Variants in CEP135 observed in about 807,000 individuals in gnomAD.
CEP135 encodes centrosomal protein of 135 kDa.
Under a neutral mutation model 157.3 loss-of-function variants are expected in CEP135, and 142 were observed. The ratio of observed to expected loss-of-function variants is 0.90; its 90% confidence interval spans 0.79 to 1.04. The LOEUF is 1.04. Ranked by LOEUF, CEP135 falls within the 50% of genes least tolerant of loss-of-function variation. The pLI is 0.00. For synonymous variants in CEP135, 396 were observed against 439.8 expected, an observed-to-expected ratio of 0.90 and a Z score of 1.25; for missense variants, 1,317 against 1,309.2, an observed-to-expected ratio of 1.01 and a Z score of -0.09.
intron 7 of CEP135, 78 bp from the exon 8 acceptor site, chr4:55,965,566 T>C (rs992507092): frequency 2.2e-6 from 2 of 908,488 alleles, no homozygotes; most frequent in Middle Eastern, 3.3e-4. Context: ...ATATAGTTTT[T>C]TGAAGTATTA....
chr4:55,951,035 T>A (rs1728346788), intron 1 of CEP135, among the ~76,000 whole-genome samples: 1 of 152,236 alleles, frequency 6.6e-6, no homozygotes. Flanking sequence ...AGTATTTGTC[T>A]GGTTTCTTTT....
rs183660760 is a variant in CEP135, at chr4:55,980,156, C to G, written c.1487C>G (p.Ser496Ter). 1 of 1,608,504 alleles carries G rather than the reference C, an allele frequency of 6.2e-7. No homozygotes were observed. Among genetic ancestry groups the G allele is most frequent in the African/African-American group, 1.3e-5 (1 of 74,680 alleles). The change falls in exon 12 of 26, where the codon TCA (serine) becomes TGA (stop). Residue 496 changes from serine to a stop codon, truncating the protein, a stop_gained. Transcript: ENST00000257287. LOFTEE classifies it high-confidence loss of function. ...ATTATGTTTCAGGGTGATTACAATT[C>G]AGAAATTCATCAGATCACAAGAGAA... ...FRTPEKGDYN[S>*]EIHQITRERD...
chr4:55,959,753 A>C lies in CEP135; in HGVS notation c.686A>C (p.Asp229Ala), dbSNP rs137876652. Reference sequence around the variant, plus strand: ...GCAATGATGGAAAGTGGGGTGAGAGACTATAGCAAGCAGGTAGGATTTTTA... The same window carrying C: ...GCAATGATGGAAAGTGGGGTGAGAGCCTATAGCAAGCAGGTAGGATTTTTA... ...KLAMMESGVR[D>A]YSKQIELRER... The change falls in exon 6 of 26, where the codon GAC (aspartate) becomes GCC (alanine). Residue 229 changes from aspartate (D) to alanine (A), a missense_variant. By Grantham distance (126) the Asp-to-Ala change is moderately radical. Coordinates refer to ENST00000257287, the MANE Select transcript of CEP135 (RefSeq NM_025009.5). 1 of 1,613,610 alleles carries C rather than the reference A, an allele frequency of 6.2e-7. No individual in the cohort carries two copies. Among genetic ancestry groups the C allele is most frequent in the Non-Finnish European group, 8.5e-7 (1 of 1,179,502 alleles).
At chr4:56,005,637 A>G (rs946014913) in intron 17 of CEP135, among the ~76,000 whole-genome samples, 2 of 152,258 alleles carry the variant, frequency 1.3e-5, no homozygotes, top group African/African-American at 2.4e-5. Flanking sequence ...GTATACCACA[A>G]CTACAGTATC....
intron 22 of CEP135, among the ~76,000 whole-genome samples, 188 bp from the exon 23 acceptor site, chr4:56,019,165 G>C (rs1369377876): frequency 6.6e-6 from 1 of 152,088 alleles, no homozygotes; most frequent in African/African-American, 2.4e-5. Context: ...AGTAAAAATA[G>C]CAAAGATTAT....
intron 3 of CEP135, 130 bp from the exon 4 acceptor site, chr4:55,954,086 C>A: frequency 1.4e-6 from 1 of 702,984 alleles, no homozygotes; most frequent in Non-Finnish European, 2.3e-6. Flanking sequence ...GAATAAGTGT[C>A]AACTAAAGCA....
chr4:55,983,365 G>A (rs1729474422), intron 13 of CEP135, among the ~76,000 whole-genome samples: 1 of 152,156 alleles, frequency 6.6e-6, no homozygotes, highest in Non-Finnish European at 1.5e-5. Flanking sequence ...GTTTACAACA[G>A]ATCTTTTACT....
At chr4:55,991,288 A>AT (rs1293401517) in intron 14 of CEP135, among the ~76,000 whole-genome samples, 1 of 128,690 alleles carries the variant, frequency 7.8e-6, no homozygotes, top group East Asian at 2.2e-4. Flanking sequence ...GTATACTTGT[A>AT]TTTTTTCCAA....
At chr4:56,007,480 T>C (rs1306674405) in intron 17 of CEP135, among the ~76,000 whole-genome samples, 2 of 152,206 alleles carry the variant, frequency 1.3e-5, no homozygotes. Flanking sequence ...ACTACCACTC[T>C]GATTGGGTGT....
At chr4:55,957,731 T>C (rs1167544245) in intron 5 of CEP135, among the ~76,000 whole-genome samples, 1 of 152,228 alleles carries the variant, frequency 6.6e-6, no homozygotes, top group Non-Finnish European at 1.5e-5. Flanking sequence ...TGAAGAGATG[T>C]GTAACTGGAT....
intron 13 of CEP135, among the ~76,000 whole-genome samples, chr4:55,983,483 G>A (rs1183815594): frequency 1.3e-5 from 2 of 152,130 alleles, no homozygotes; most frequent in African/African-American, 2.4e-5. Flanking sequence ...AGATCTCCCT[G>A]AAAGCTCATA....
intron 10 of CEP135, among the ~76,000 whole-genome samples, chr4:55,972,850 G>A (rs1055250038): frequency 6.6e-6 from 1 of 152,064 alleles, no homozygotes; most frequent in Non-Finnish European, 1.5e-5. Flanking sequence ...TGACCCACAT[G>A]GAGAAACCCC....
intron 14 of CEP135, among the ~76,000 whole-genome samples, chr4:55,986,551 A>G (rs1401296525): frequency 6.6e-6 from 1 of 151,150 alleles, no homozygotes; most frequent in African/African-American, 2.4e-5. Flanking sequence ...CCAAAAAAAG[A>G]AAAAAAAAAT....
At chr4:55,996,999 A>G (rs1729992848) in intron 15 of CEP135, among the ~76,000 whole-genome samples, 1 of 152,196 alleles carries the variant, frequency 6.6e-6, no homozygotes, top group Admixed American at 6.5e-5. Flanking sequence ...CCAGAACTTA[A>G]GTTCATTTTT....
In CEP135 at chr4:56,017,845, T is replaced by G; in HGVS notation, c.3000T>G (p.Leu1000=). ...IMTQQLNSKN[L]EFERVVVELE... ...CCCAGCAATTGAATTCGAAAAACCT[T>G]GAGTTTGAGAGGGTAAGAAAGATAA... Residue 1000 remains leucine (L), a synonymous_variant, in exon 22 of 26, where the codon CTT becomes CTG. Transcript: ENST00000257287. The G allele has an allele frequency of 6.2e-7, 1 of 1,612,336 alleles. No homozygotes were observed. The highest frequency in any genetic ancestry group is 8.5e-7 in the Non-Finnish European group (1 of 1,179,812).
chr4:55,952,027 A>T, intron 1 of CEP135, 59 bp from the exon 2 acceptor site: 1 of 559,526 alleles, frequency 1.8e-6, no homozygotes, highest in Non-Finnish European at 3.2e-6. Context: ...TTTTCTTCTT[A>T]TTGTGAAACA....
intron 13 of CEP135, among the ~76,000 whole-genome samples, chr4:55,984,546 G>C (rs9884589): frequency 1.3e-5 from 2 of 151,928 alleles, no homozygotes; most frequent in African/African-American, 2.4e-5. Flanking sequence ...ATATTCTTGA[G>C]ACCTTGCTTG....
rs1178358837 is a variant in CEP135, at chr4:55,964,701, T to C, written c.828+299T>C. Among the ~76,000 whole-genome samples the C allele has an allele frequency of 5.3e-5, 8 of 152,094 alleles. No homozygotes were observed. In the East Asian group the frequency reaches 1.5e-3, roughly 29 times the overall value. The stretch of plus-strand genomic sequence containing the variant: ...CAATTTGCTTTTAAGAAAATGTATA[T>C]ATGGACTTGGAAAGAGAAAACGAAG... On this transcript the variant is annotated intron_variant, in intron 7 of 25. Coordinates refer to ENST00000257287, the MANE Select transcript of CEP135 (RefSeq NM_025009.5).
At chr4:55,962,424 C>T (rs556782068) in intron 6 of CEP135, among the ~76,000 whole-genome samples, 1 of 152,026 alleles carries the variant, frequency 6.6e-6, no homozygotes, top group Non-Finnish European at 1.5e-5. Flanking sequence ...ACTACCTCCC[C>T]CTCTTGAGGA....
Sources: gnomAD v4.1 joint callset for allele counts (sites outside exome capture counted in the v4.1 genomes callset) on GRCh38, gnomAD v4.1.1 for gene constraint, MANE v1.5 for transcripts, NCBI Gene and HGNC (gene_info 2026-07-23, HGNC 2026-07-21) for gene names.